Variants in PARN observed in about 807,000 individuals in gnomAD.
The protein encoded by PARN is poly(A)-specific ribonuclease PARN.
A neutral mutation model predicts 102.8 loss-of-function variants in PARN; 71 were observed. The observed-to-expected ratio is 0.69, with a 90% CI of 0.57 to 0.84. The LOEUF (loss-of-function observed/expected upper bound fraction) is 0.84. Among genes scored for constraint, PARN ranks in the 40% least tolerant of loss-of-function variants. PARN has a pLI of 0.00. For synonymous variants in PARN, 261 were observed against 252.9 expected (o/e 1.03, Z -0.30); for missense variants, 782 against 760.9 (o/e 1.03, Z -0.33).
chr16:14,615,159 G>A (rs1243578916), intron 6 of PARN, among the ~76,000 whole-genome samples: 2 of 152,148 alleles, frequency 1.3e-5, no homozygotes, highest in African/African-American at 4.8e-5. Flanking sequence ...CAGATTTAGA[G>A]CATATCAACA....
intron 6 of PARN, among the ~76,000 whole-genome samples, chr16:14,616,128 C>G (rs1971887491): frequency 6.6e-6 from 1 of 152,032 alleles, no homozygotes; most frequent in Non-Finnish European, 1.5e-5. Flanking sequence ...AAATATTGAC[C>G]TTGTACATAC....
intron 23 of PARN, among the ~76,000 whole-genome samples, chr16:14,440,309 T>C (rs760225080): frequency 6.6e-6 from 1 of 152,068 alleles, no homozygotes; most frequent in Non-Finnish European, 1.5e-5. Context: ...TACATACCCA[T>C]TAGAACTGCT....
At chr16:14,545,730 T>C (rs1966894353) in intron 21 of PARN, among the ~76,000 whole-genome samples, 1 of 152,204 alleles carries the variant, frequency 6.6e-6, no homozygotes, top group African/African-American at 2.4e-5. Flanking sequence ...CTAACTTAGC[T>C]GGCAAAGGGT....
intron 21 of PARN, among the ~76,000 whole-genome samples, chr16:14,509,212 C>G (rs934435987): frequency 6.6e-6 from 1 of 152,092 alleles, no homozygotes; most frequent in Non-Finnish European, 1.5e-5. Context: ...AGTATAAACC[C>G]CGTGTCAGCT....
chr16:14,555,799 T>C, intron 18 of PARN, 90 bp from the exon 19 acceptor site: 3 of 564,136 alleles, frequency 5.3e-6, no homozygotes, highest in Non-Finnish European at 9.4e-6. Flanking sequence ...AAAAAAAAAA[T>C]TTTAATAGGC....
chr16:14,444,404 G>GA (rs1468259919), intron 23 of PARN, among the ~76,000 whole-genome samples: 1 of 150,696 alleles, frequency 6.6e-6, no homozygotes, highest in East Asian at 1.9e-4. Flanking sequence ...TCAATGGGAG[G>GA]AAAAAAACCC....
intron 21 of PARN, among the ~76,000 whole-genome samples, chr16:14,522,763 A>C (rs1254889383): frequency 3.3e-5 from 5 of 152,164 alleles, no homozygotes; most frequent in Admixed American, 6.5e-5. Flanking sequence ...CAAGAACAAC[A>C]ACCAGCCCAG....
intron 6 of PARN, among the ~76,000 whole-genome samples, chr16:14,616,390 G>A (rs77386456): frequency 2.0e-5 from 3 of 152,292 alleles, no homozygotes; most frequent in Non-Finnish European, 2.9e-5. Flanking sequence ...ATTATCAATC[G>A]TGCAGTCTCT....
chr16:14,629,988 A>T, intron 1 of PARN, 119 bp downstream of exon 1: 1 of 922,124 alleles, frequency 1.1e-6, no homozygotes, highest in Non-Finnish European at 1.7e-6. Flanking sequence ...AAGGAGGGAA[A>T]AGCCCTGAGG....
At chr16:14,532,718 G>T (rs1451771492) in intron 21 of PARN, among the ~76,000 whole-genome samples, 1 of 150,874 alleles carries the variant, frequency 6.6e-6, no homozygotes, top group South Asian at 2.1e-4. Flanking sequence ...GGGCAGAGGC[G>T]CCCCTCACCT....
chr16:14,494,349 C>A (rs1336566054), intron 21 of PARN, among the ~76,000 whole-genome samples: 1 of 152,218 alleles, frequency 6.6e-6, no homozygotes, highest in African/African-American at 2.4e-5. Flanking sequence ...AAAGAGAGCA[C>A]AGACCATCAC....
intron 22 of PARN, among the ~76,000 whole-genome samples, chr16:14,468,037 G>T (rs557147126): frequency 6.6e-6 from 1 of 152,136 alleles, no homozygotes; most frequent in African/African-American, 2.4e-5. Context: ...CTTCTTACAA[G>T]AGTCCCAAAG....
At chr16:14,522,215 T>G (rs1965773311) in intron 21 of PARN, among the ~76,000 whole-genome samples, 1 of 152,202 alleles carries the variant, frequency 6.6e-6, no homozygotes, top group Non-Finnish European at 1.5e-5. Flanking sequence ...CAGAGAGATC[T>G]TTAGCCACAA....
intron 6 of PARN, among the ~76,000 whole-genome samples, chr16:14,612,939 C>A (rs982770522): frequency 1.3e-5 from 2 of 150,622 alleles, no homozygotes; most frequent in Non-Finnish European, 3.0e-5. Flanking sequence ...AAATTAAAAG[C>A]TGCAGTTACA....
rs775477610 is a variant in PARN at position 14,628,265 on chromosome 16, A to G, written c.98-14T>C. 3 of 1,528,668 alleles carry G rather than the reference A, an allele frequency of 2.0e-6. No individual in the cohort carries two copies. In the Admixed American group the frequency reaches 5.4e-5, roughly 27 times the overall value. The allele number at this position is 1,528,668 out of a possible 1,614,324, so 94.7% of individuals were successfully genotyped here. ...CATCACTGATTCCTAGATTTTAAGA[A>G]ATAAAAATTTTTAGCTTACTAATAA... On this transcript the variant is annotated splice_polypyrimidine_tract_variant and intron_variant, in intron 2 of 23. Transcript: ENST00000437198.
At chr16:14,472,192 C>A (rs201158115) in intron 22 of PARN, among the ~76,000 whole-genome samples, 2 of 152,166 alleles carry the variant, frequency 1.3e-5, no homozygotes, top group African/African-American at 2.4e-5. Flanking sequence ...AGTTTTATGT[C>A]TTTGTGTACA....
intron 18 of PARN, among the ~76,000 whole-genome samples, chr16:14,579,734 G>A (rs544154931): frequency 6.6e-6 from 1 of 152,256 alleles, no homozygotes; most frequent in Non-Finnish European, 1.5e-5. Flanking sequence ...CAGCACTTTG[G>A]GAGGCTGAGG....
intron 23 of PARN, among the ~76,000 whole-genome samples, chr16:14,438,586 T>G (rs1036569450): frequency 6.6e-6 from 1 of 152,196 alleles, no homozygotes; most frequent in African/African-American, 2.4e-5. Context: ...TGGATGACCT[T>G]GAACAGGTCT....
chr16:14,540,206 G>C (rs1966787313), intron 21 of PARN, among the ~76,000 whole-genome samples: 1 of 152,110 alleles, frequency 6.6e-6, no homozygotes, highest in African/African-American at 2.4e-5. Flanking sequence ...TAAAAGTCAT[G>C]CCATAGTTTG....
Sources: allele counts gnomAD v4.1 joint callset (sites outside exome capture counted in the v4.1 genomes callset), GRCh38; gene constraint gnomAD v4.1.1; transcripts MANE v1.5; gene names NCBI Gene and HGNC (gene_info 2026-07-23, HGNC 2026-07-21).